The following TENM4 variants were observed in gnomAD, a reference collection of about 807,000 sequenced individuals.
The protein encoded by TENM4 is teneurin transmembrane protein 4, also known as teneurin-4.
Under a neutral mutation model 243.3 loss-of-function variants are expected in TENM4, and 82 were observed. The ratio of observed to expected loss-of-function variants is 0.34; its 90% CI spans 0.28 to 0.40. The LOEUF is 0.40. Among genes scored for constraint, TENM4 ranks in the 10% least tolerant of loss-of-function variants. TENM4 has a pLI of 1.00. For missense variants in TENM4, 3,138 were observed against 3,673.3 expected, an observed-to-expected ratio of 0.85 and a Z score of 3.77; for synonymous variants, 1,412 against 1,456.3, an observed-to-expected ratio of 0.97 and a Z score of 0.69.
chr11:78,993,601 C>T (rs1006665496), intron 6 of TENM4, among the ~76,000 whole-genome samples: 1 of 152,040 alleles, frequency 6.6e-6, no homozygotes, highest in Admixed American at 6.6e-5. Context: ...TTTTATTGCC[C>T]TGTATTCAAA....
Position 79,292,872 on chromosome 11 carries a change from G to A in TENM4, c.-265+4616C>T, listed in dbSNP as rs79006256. Among the ~76,000 whole-genome samples, 986 of 152,270 alleles carry A rather than the reference G, an allele frequency of 6.5e-3. 12 individuals carry two copies. Among genetic ancestry groups the A allele is most frequent in the African/African-American group, 0.023 (951 of 41,552 alleles). ...TAAAATAATATATATAAGGCACTTA[G>A]CACTATGCTTAGCAAATAGCCATGT... On this transcript the variant is annotated intron_variant, in intron 2 of 33. Transcript: ENST00000278550.
chr11:79,012,231 A>T (rs557685087), intron 6 of TENM4, among the ~76,000 whole-genome samples: 2 of 152,332 alleles, frequency 1.3e-5, no homozygotes, highest in African/African-American at 4.8e-5. Context: ...TCTATTTTTA[A>T]GCCGTGTGTA....
intron 1 of TENM4, among the ~76,000 whole-genome samples, chr11:79,382,765 G>T (rs943105804): frequency 1.3e-5 from 2 of 152,056 alleles, no homozygotes; most frequent in African/African-American, 4.8e-5. Context: ...CTCAGAGCTG[G>T]CTTCAAGCCT....
intron 1 of TENM4, among the ~76,000 whole-genome samples, chr11:79,361,276 C>T (rs572254469): frequency 1.3e-5 from 2 of 152,312 alleles, no homozygotes; most frequent in South Asian, 2.1e-4. Flanking sequence ...TTGCAGTAAA[C>T]GTAACTTGTG....
intron 3 of TENM4, among the ~76,000 whole-genome samples, chr11:79,167,840 G>A (rs184895636): frequency 5.0e-4 from 76 of 152,280 alleles, no homozygotes; most frequent in Admixed American, 3.3e-3. Flanking sequence ...TGTCCACAGG[G>A]CCTGCAAAAC....
intron 21 of TENM4, among the ~76,000 whole-genome samples, chr11:78,731,936 C>T (rs1427828574): frequency 2.0e-5 from 3 of 152,208 alleles, no homozygotes; most frequent in African/African-American, 7.2e-5. Context: ...TCCTTTGGCA[C>T]ATTCCTCTTG....
intron 6 of TENM4, among the ~76,000 whole-genome samples, chr11:78,938,387 C>T (rs1338330877): frequency 1.3e-5 from 2 of 152,142 alleles, no homozygotes; most frequent in Non-Finnish European, 2.9e-5. Flanking sequence ...AAATGATAAT[C>T]ATCATTTACC....
intron 12 of TENM4, among the ~76,000 whole-genome samples, chr11:78,818,149 C>T (rs1857649034): frequency 6.6e-6 from 1 of 152,106 alleles, no homozygotes; most frequent in African/African-American, 2.4e-5. Context: ...GCTCAGAAAT[C>T]CCTCCCAGAT....
At chr11:79,426,640 C>T (rs552786259) in intron 1 of TENM4, among the ~76,000 whole-genome samples, 2 of 152,176 alleles carry the variant, frequency 1.3e-5, no homozygotes, top group African/African-American at 2.4e-5. Flanking sequence ...GATTTCCTGA[C>T]GGCTGAGCTA....
At chr11:78,852,607 C>T (rs1350466688) in intron 12 of TENM4, among the ~76,000 whole-genome samples, 1 of 152,114 alleles carries the variant, frequency 6.6e-6, no homozygotes, top group African/African-American at 2.4e-5. Flanking sequence ...CACCCGAGCC[C>T]AGGAGTTCAA....
At chr11:78,803,518 A>C (rs1857326604) in intron 15 of TENM4, among the ~76,000 whole-genome samples, 2 of 152,168 alleles carry the variant, frequency 1.3e-5, no homozygotes, top group South Asian at 4.1e-4. Flanking sequence ...TCCTCATCAC[A>C]TGGTTCTCTC....
At chr11:78,734,298 T>C (rs1296854589) in intron 20 of TENM4, among the ~76,000 whole-genome samples, 5 of 152,214 alleles carry the variant, frequency 3.3e-5, no homozygotes, top group Non-Finnish European at 7.3e-5. Flanking sequence ...GGTGAACCAC[T>C]GGAGAGGAAC....
intron 4 of TENM4, among the ~76,000 whole-genome samples, chr11:79,131,215 G>T (rs1157774770): frequency 6.6e-6 from 1 of 152,044 alleles, no homozygotes; most frequent in African/African-American, 2.4e-5. Context: ...AGATTGCCTC[G>T]GCACATTGTC....
chr11:78,904,433 G>C (rs1856018122), intron 6 of TENM4, among the ~76,000 whole-genome samples: 1 of 151,234 alleles, frequency 6.6e-6, no homozygotes, highest in Non-Finnish European at 1.5e-5. Flanking sequence ...CAGCCAGGAA[G>C]GGGACTGTGG....
At chr11:79,125,689 G>T (rs1037608368) in intron 4 of TENM4, among the ~76,000 whole-genome samples, 5 of 152,114 alleles carry the variant, frequency 3.3e-5, no homozygotes, top group African/African-American at 1.2e-4. Flanking sequence ...GACCCATGCT[G>T]CCCCATCAGC....
chr11:79,286,432 C>A (rs1450767827), intron 2 of TENM4, among the ~76,000 whole-genome samples: 1 of 150,030 alleles, frequency 6.7e-6, no homozygotes. Flanking sequence ...TGGGGGGGAT[C>A]ACCTGAGGTC....
intron 6 of TENM4, among the ~76,000 whole-genome samples, chr11:78,989,667 C>G (rs1338451801): frequency 6.6e-6 from 1 of 152,166 alleles, no homozygotes; most frequent in African/African-American, 2.4e-5. Flanking sequence ...TTTTCCATTC[C>G]TTTCGTCCCA....
intron 1 of TENM4, among the ~76,000 whole-genome samples, chr11:79,352,277 C>A (rs2135479491): frequency 6.6e-6 from 1 of 152,304 alleles, no homozygotes; most frequent in African/African-American, 2.4e-5. Flanking sequence ...TAGGGGTGAC[C>A]CTGACTGCCA....
intron 1 of TENM4, among the ~76,000 whole-genome samples, chr11:79,378,385 G>A (rs1426499902): frequency 6.6e-6 from 1 of 152,226 alleles, no homozygotes. Context: ...GGAAGAACAG[G>A]GGAAAGAAGA....
Sources: gnomAD v4.1 joint callset for allele counts (sites outside exome capture counted in the v4.1 genomes callset) on GRCh38, gnomAD v4.1.1 for gene constraint, MANE v1.5 for transcripts, NCBI Gene and HGNC (gene_info 2026-07-23, HGNC 2026-07-21) for gene names.